Variants in MACROD2 observed in about 807,000 individuals in gnomAD.
The protein encoded by MACROD2 is mono-ADP ribosylhydrolase 2, also known as ADP-ribose glycohydrolase MACROD2.
A neutral mutation model predicts 70.4 loss-of-function variants in MACROD2; 36 were observed. The observed-to-expected ratio is 0.51, with a 90% CI of 0.39 to 0.68. MACROD2 has a LOEUF of 0.68. MACROD2 is among the 30% of genes least tolerant of loss of function. The probability of loss-of-function intolerance (pLI) is 0.00; values close to 1 mark genes in which losing one functional copy is unlikely to be tolerated. For synonymous variants in MACROD2, 172 were observed against 178.8 expected (o/e 0.96, Z 0.30); for missense variants, 496 against 538.4 (o/e 0.92, Z 0.78).
At chr20:15,100,636 G>A (rs755565007) in intron 5 of MACROD2, among the ~76,000 whole-genome samples, 4 of 152,154 alleles carry the variant, frequency 2.6e-5, no homozygotes, top group Non-Finnish European at 5.9e-5. Context: ...GAAGACAGAA[G>A]TAAGTAGTTG....
intron 10 of MACROD2, among the ~76,000 whole-genome samples, chr20:15,922,720 A>C (rs1188517197): frequency 6.6e-6 from 1 of 152,222 alleles, no homozygotes; most frequent in Non-Finnish European, 1.5e-5. Flanking sequence ...TTCCTCCAGC[A>C]CAATGTTAGC....
chr20:15,050,497 T>TTAACACTG (rs1241194346), intron 5 of MACROD2, among the ~76,000 whole-genome samples: 1 of 151,030 alleles, frequency 6.6e-6, no homozygotes, highest in Non-Finnish European at 1.5e-5. Context: ...CATTGGATGT[T>TTAACACTG]TAACACTGTT....
intron 8 of MACROD2, among the ~76,000 whole-genome samples, chr20:15,517,475 C>T (rs187988693): frequency 3.9e-5 from 6 of 152,282 alleles, no homozygotes; most frequent in Admixed American, 2.0e-4. Context: ...ATTGGTTTAT[C>T]GGCTGTCATC....
intron 7 of MACROD2, among the ~76,000 whole-genome samples, chr20:15,431,786 T>G (rs2146358252): frequency 6.6e-6 from 1 of 152,202 alleles, no homozygotes; most frequent in South Asian, 2.1e-4. Context: ...TTTAGCAGTA[T>G]CATTATTTTG....
chr20:15,072,644 T>G (rs778124066), intron 5 of MACROD2, among the ~76,000 whole-genome samples: 15 of 152,184 alleles, frequency 9.9e-5, no homozygotes, highest in Non-Finnish European at 2.1e-4. Context: ...CTAGCAGCTT[T>G]TAGCAAGATT....
chr20:14,211,499 T>A (rs1458385820), intron 3 of MACROD2, among the ~76,000 whole-genome samples: 1 of 152,168 alleles, frequency 6.6e-6, no homozygotes. Context: ...TCAGGGAAAA[T>A]GCTAGATAGC....
chr20:14,785,088 G>T (rs943269071), intron 5 of MACROD2, among the ~76,000 whole-genome samples: 1 of 151,874 alleles, frequency 6.6e-6, no homozygotes, highest in African/African-American at 2.4e-5. Context: ...ATTAACTTCT[G>T]CATGGCAGCA....
intron 8 of MACROD2, among the ~76,000 whole-genome samples, chr20:15,648,535 G>A (rs1442844531): frequency 6.6e-6 from 1 of 152,062 alleles, no homozygotes; most frequent in African/African-American, 2.4e-5. Context: ...GAGCTCCATG[G>A]CATACACATC....
chr20:14,433,420 C>T (rs1483419719), intron 3 of MACROD2, among the ~76,000 whole-genome samples: 1 of 151,696 alleles, frequency 6.6e-6, no homozygotes, highest in African/African-American at 2.4e-5. Flanking sequence ...TCTAGTATGA[C>T]CAATAATACA....
intron 5 of MACROD2, among the ~76,000 whole-genome samples, chr20:14,878,193 G>A (rs2073571056): frequency 6.6e-6 from 1 of 152,162 alleles, no homozygotes; most frequent in Non-Finnish European, 1.5e-5. Context: ...ATGTGTGTAA[G>A]CATTGAGAGG....
intron 4 of MACROD2, among the ~76,000 whole-genome samples, chr20:14,596,231 A>T (rs1982129789): frequency 6.6e-6 from 1 of 150,466 alleles, no homozygotes; most frequent in Non-Finnish European, 1.5e-5. Flanking sequence ...GACTACATAC[A>T]GGCGCCCGCC....
At chr20:14,980,858 C>T (rs957946239) in intron 5 of MACROD2, among the ~76,000 whole-genome samples, 1 of 152,146 alleles carries the variant, frequency 6.6e-6, no homozygotes, top group African/African-American at 2.4e-5. Flanking sequence ...CTCCTAATCC[C>T]TCTTCTTCTA....
At chr20:14,068,105 C>G (rs146186979) in intron 2 of MACROD2, among the ~76,000 whole-genome samples, 29 of 152,338 alleles carry the variant, frequency 1.9e-4, no homozygotes, top group African/African-American at 6.3e-4. Flanking sequence ...GCTGAACGCT[C>G]TCATGCGCAT....
chr20:15,275,800 G>T (rs1020019660), intron 6 of MACROD2, among the ~76,000 whole-genome samples: 17 of 152,172 alleles, frequency 1.1e-4, no homozygotes, highest in Non-Finnish European at 2.2e-4. Flanking sequence ...AGCATTGAAG[G>T]TTCCTGAGCT....
intron 8 of MACROD2, among the ~76,000 whole-genome samples, chr20:15,656,943 A>G (rs571872981): frequency 6.6e-6 from 1 of 152,300 alleles, no homozygotes; most frequent in South Asian, 2.1e-4. Flanking sequence ...TTAAGTAAGT[A>G]TATGATAAAA....
At chr20:14,680,643 T>C (rs1350272526) in intron 4 of MACROD2, among the ~76,000 whole-genome samples, 1 of 152,124 alleles carries the variant, frequency 6.6e-6, no homozygotes, top group East Asian at 1.9e-4. Flanking sequence ...CCATCAGTAA[T>C]TTACTAGACA....
At chr20:15,719,746 T>G (rs778889647) in intron 8 of MACROD2, among the ~76,000 whole-genome samples, 1 of 152,186 alleles carries the variant, frequency 6.6e-6, no homozygotes, top group Non-Finnish European at 1.5e-5. Flanking sequence ...AATGATCAAA[T>G]CAGGGTAATT....
chr20:15,113,196 A>G (rs1568580267), intron 5 of MACROD2, among the ~76,000 whole-genome samples: 2 of 151,846 alleles, frequency 1.3e-5, no homozygotes, highest in African/African-American at 2.4e-5. Flanking sequence ...AATGCAATAC[A>G]TTTTTTTTCC....
intron 8 of MACROD2, among the ~76,000 whole-genome samples, chr20:15,839,628 C>T (rs1181289667): frequency 3.9e-5 from 6 of 152,176 alleles, no homozygotes; most frequent in Non-Finnish European, 7.3e-5. Context: ...AAATCAGAAG[C>T]TCCCATCCAT....
Sources: allele counts gnomAD v4.1 joint callset (sites outside exome capture counted in the v4.1 genomes callset), GRCh38; gene constraint gnomAD v4.1.1; transcripts MANE v1.5; gene names NCBI Gene and HGNC (gene_info 2026-07-23, HGNC 2026-07-21).